The following NRXN2 variants were observed in gnomAD, a reference collection of about 807,000 sequenced individuals.
NRXN2 encodes the protein neurexin-2-beta.
Under a neutral mutation model 128.8 loss-of-function variants are expected in NRXN2, and 29 were observed. That is an observed-to-expected ratio of 0.23 (90% CI 0.17 to 0.31). The LOEUF (loss-of-function observed/expected upper bound fraction) is 0.31. Ranked by LOEUF, NRXN2 falls within the 10% of genes least tolerant of loss-of-function variation. The probability of loss-of-function intolerance (pLI) is 1.00; values close to 1 mark genes in which losing one functional copy is unlikely to be tolerated. For synonymous variants in NRXN2, 1,098 were observed against 1,075.2 expected (o/e 1.02, Z -0.41); for missense variants, 1,881 against 2,452.6 (o/e 0.77, Z 4.92).
At position 64,678,051 on chromosome 11, in the gene NRXN2, G is replaced by A. The variant is rs938095419; in HGVS notation, c.1153-1014C>T. 2.6e-5 allele frequency among the ~76,000 whole-genome samples: 4 copies of A among 152,160 alleles called. No individual in the cohort carries two copies. The East Asian group carries it at 5.8e-4, about 22-fold the overall frequency. On this transcript the variant is annotated intron_variant, in intron 6 of 22. Transcript: ENST00000265459. ...TGCTTTTCCTGGGGATGGAGAACAC[G>A]CAAATCGATCCAGGGAGTCACTGAG...
chr11:64,608,511 T>G (rs1220025135), intron 22 of NRXN2, among the ~76,000 whole-genome samples: 1 of 133,622 alleles, frequency 7.5e-6, no homozygotes, highest in Non-Finnish European at 1.5e-5. Context: ...TTTTTTTTTT[T>G]GCTTTTGTTT....
intron 11 of NRXN2, among the ~76,000 whole-genome samples, chr11:64,659,093 C>G (rs138300558): frequency 1.3e-5 from 2 of 152,310 alleles, no homozygotes; most frequent in Non-Finnish European, 2.9e-5. Flanking sequence ...TCAGAAGAGC[C>G]CTGCTTCCCC....
In NRXN2 at chr11:64,620,469, C is replaced by T. The variant is rs1330930648; in HGVS notation, c.4174-97G>A. ...AGGTGCACGGTGGCACGGGGGATGCCCCTGGGCTGAGACGGACCAGACTGG... is the reference window on the plus strand; with the variant it reads ...AGGTGCACGGTGGCACGGGGGATGCTCCTGGGCTGAGACGGACCAGACTGG... On this transcript the variant is annotated intron_variant, in intron 21 of 22. Coordinates refer to ENST00000265459, the MANE Select transcript of NRXN2 (RefSeq NM_015080.4). 1.5e-5 allele frequency: 14 copies of T among 937,718 alleles called. No individual in the cohort carries two copies. The African/African-American group carries it at 1.6e-4, about 11-fold the overall frequency. 58.1% of individuals were successfully genotyped at this position (937,718 alleles called of 1,614,324 possible).
chr11:64,712,863 G>T, intron 2 of NRXN2, 107 bp downstream of exon 2: 1 of 1,036,174 alleles, frequency 9.7e-7, no homozygotes, highest in Non-Finnish European at 1.4e-6. Flanking sequence ...AAGCCCTCGT[G>T]CCCAGCCCCC....
intron 22 of NRXN2, among the ~76,000 whole-genome samples, chr11:64,610,794 C>T (rs941092936): frequency 2.0e-5 from 3 of 152,188 alleles, no homozygotes; most frequent in African/African-American, 7.2e-5. Flanking sequence ...GGGTTGGCAG[C>T]CTCTCGAGCG....
intron 1 of NRXN2, among the ~76,000 whole-genome samples, chr11:64,716,511 G>A (rs544883288): frequency 5.3e-5 from 8 of 152,310 alleles, no homozygotes; most frequent in African/African-American, 1.9e-4. Flanking sequence ...AAGCGGCTGA[G>A]AGTCCAGGAG....
chr11:64,697,734 C>T, intron 3 of NRXN2, 41 bp downstream of exon 3: 1 of 1,612,442 alleles, frequency 6.2e-7, no homozygotes. Context: ...ATCCCCATGG[C>T]AACAGATCCA....
chr11:64,615,621 A>G (rs1348624237), intron 22 of NRXN2, among the ~76,000 whole-genome samples: 3 of 152,184 alleles, frequency 2.0e-5, no homozygotes, highest in African/African-American at 7.2e-5. Context: ...ACATGTGTGT[A>G]TGTGTGTGCT....
chr11:64,607,821 A>G lies in NRXN2; in HGVS notation c.4514T>C (p.Leu1505Pro). 6.2e-7 allele frequency: 1 copy of G among 1,600,050 alleles called. No homozygotes were observed. Among genetic ancestry groups the G allele is most frequent in the Non-Finnish European group, 8.5e-7 (1 of 1,174,372 alleles). ...FASGEVFDSS[L>P]PPTDDEDFYT... ...AAAGTCCTCGTCGTCCGTGGGGGGG[A>G]GGCTGGAGTCAAAGACCTCCCCGGA... Residue 1505 changes from leucine (L) to proline (P), a missense_variant, in exon 23 of 23, where the codon CTC becomes CCC. Physicochemically the swap from Leu to Pro is moderately conservative, Grantham distance 98. Coordinates refer to ENST00000265459, the MANE Select transcript of NRXN2 (RefSeq NM_015080.4).
rs200037680 is a variant in NRXN2 at position 64,608,300 on chromosome 11, T to C, written c.4253-218A>G. Among the ~76,000 whole-genome samples, 15 of 152,262 alleles carry C rather than the reference T, an allele frequency of 9.9e-5. No homozygotes were observed. In the East Asian group the frequency reaches 2.9e-3, roughly 29 times the overall value. ...CCCTGGGCACCCCACGCACGGGCTC[T>C]GTGACTCTCTGGGTTTTGGTCTTTT... On this transcript the variant is annotated intron_variant, in intron 22 of 22. Coordinates refer to ENST00000265459, the MANE Select transcript of NRXN2 (RefSeq NM_015080.4).
intron 2 of NRXN2, among the ~76,000 whole-genome samples, chr11:64,701,164 C>A (rs1409732130): frequency 1.3e-5 from 2 of 152,186 alleles, no homozygotes; most frequent in Admixed American, 6.5e-5. Flanking sequence ...AATTCATACA[C>A]CGCAGCACAA....
chr11:64,673,826 C>T (rs916043191), intron 7 of NRXN2, among the ~76,000 whole-genome samples: 3 of 151,948 alleles, frequency 2.0e-5, no homozygotes, highest in Admixed American at 2.0e-4. Context: ...AATGCCTGAG[C>T]TCAGCAGTTC....
In NRXN2 at chr11:64,667,569, G is replaced by A. The variant is rs563553792; in HGVS notation, c.1479C>T (p.Asp493=). Reference sequence around the variant, plus strand: ...CCTCGGGACTCTCAAAGGTCACAGGGTCCAGGGCAGCCACATCCTCACAGC... The same window carrying A: ...CCTCGGGACTCTCAAAGGTCACAGGATCCAGGGCAGCCACATCCTCACAGC... ...SFRCEDVAAL[D]PVTFESPEAF... is the part of the protein sequence containing the mutation. The change falls in exon 9 of 23, where the codon GAC becomes GAT. Residue 493 remains aspartate, a synonymous_variant. Coordinates refer to ENST00000265459, the MANE Select transcript of NRXN2 (RefSeq NM_015080.4). This position sits in a 1 kb window ranked among gnomAD's most constrained non-coding sequence, Gnocchi z 5.6. 4.3e-6 allele frequency: 7 copies of A among 1,614,212 alleles called. No homozygotes were observed. In the African/African-American group the frequency reaches 5.3e-5, roughly 12 times the overall value.
At chr11:64,636,560 CTTAA>C (rs1056351043) in intron 17 of NRXN2, among the ~76,000 whole-genome samples, 24 of 152,148 alleles carry the variant, frequency 1.6e-4, no homozygotes, top group African/African-American at 5.8e-4. Flanking sequence ...TCATAAAATG[CTTAA>C]TTAAATAATT....
At chr11:64,706,324 C>A in intron 2 of NRXN2, among the ~76,000 whole-genome samples, 1 of 145,050 alleles carries the variant, frequency 6.9e-6, no homozygotes. Flanking sequence ...CCTCCCCACT[C>A]CCCCCACCCC....
In NRXN2 at chr11:64,607,212, T is replaced by C; in HGVS notation, c.5123A>G (p.Lys1708Arg). 1 of 1,613,252 alleles carries C rather than the reference T, an allele frequency of 6.2e-7. No individual in the cohort carries two copies. Among genetic ancestry groups the C allele is most frequent in the Non-Finnish European group, 8.5e-7 (1 of 1,179,746 alleles). ...TPSKAKKNKD[K>R]EYYV ...GCCGGGGGCTCAGACATAATACTCC[T>C]TGTCTTTGTTCTTCTTGGCCTTGCT... The change falls in exon 23 of 23, where the codon AAG (lysine) becomes AGG (arginine). Residue 1708 changes from lysine (K) to arginine (R), a missense_variant. This residue lies in a region of NRXN2 where 63 missense variants were observed against 76.0 expected (regional missense o/e 0.83). Transcript: ENST00000265459.
intron 9 of NRXN2, among the ~76,000 whole-genome samples, chr11:64,662,404 A>G (rs550732755): frequency 8.5e-5 from 13 of 152,382 alleles, no homozygotes; most frequent in South Asian, 4.1e-4. Context: ...CTTAAGCTGC[A>G]GAAACCTATA....
At chr11:64,685,535 C>T (rs2052912313) in intron 6 of NRXN2, 111 bp downstream of exon 6, 3 of 1,417,854 alleles carry the variant, frequency 2.1e-6, no homozygotes, top group East Asian at 4.6e-5. Context: ...AGAACCACAC[C>T]TCACTGCCCA....
chr11:64,660,223 C>T lies in NRXN2; in HGVS notation c.2389+109G>A. ...GGCGCCTCCCCACCTCCAAACTCTG[C>T]TGAGGGCACCTCTTGCTGGTGCCAC... On this transcript the variant is annotated intron_variant, in intron 11 of 22. Transcript: ENST00000265459. The surrounding 1 kb of genome is among the most constrained non-coding windows in gnomAD (Gnocchi z 5.2). 1 of 1,277,202 alleles carries T rather than the reference C, an allele frequency of 7.8e-7. No homozygotes were observed. The highest frequency in any genetic ancestry group is 1.2e-5 in the South Asian group (1 of 81,754). The allele number at this position is 1,277,202 out of a possible 1,614,324, so 79.1% of individuals were successfully genotyped here.
Sources: allele counts gnomAD v4.1 joint callset (sites outside exome capture counted in the v4.1 genomes callset), GRCh38; gene constraint gnomAD v4.1.1; regional missense constraint gnomAD v4.1.1; non-coding constraint Gnocchi (gnomAD v3.1); transcripts MANE v1.5; gene names NCBI Gene and HGNC (gene_info 2026-07-23, HGNC 2026-07-21).